Variants in MALRD1 observed in about 807,000 individuals in gnomAD.
The protein encoded by MALRD1 is MAM and LDL receptor class A domain containing 1, also known as MAM and LDL-receptor class A domain-containing protein 1.
A neutral mutation model predicts 242.1 loss-of-function variants in MALRD1; 247 were observed. The observed-to-expected ratio is 1.02, with a 90% CI of 0.92 to 1.13. The LOEUF is 1.13. Ranked by LOEUF, MALRD1 falls within the 50% of genes most tolerant of loss-of-function variation. The probability of loss-of-function intolerance (pLI) is 0.00; values close to 1 mark genes in which losing one functional copy is unlikely to be tolerated. For missense variants in MALRD1, 2,989 were observed against 2,533.1 expected, an observed-to-expected ratio of 1.18 and a Z score of -3.86; for synonymous variants, 995 against 866.6, an observed-to-expected ratio of 1.15 and a Z score of -2.60.
chr10:19,651,165 A>C (rs1330488902), intron 36 of MALRD1, among the ~76,000 whole-genome samples: 1 of 152,242 alleles, frequency 6.6e-6, no homozygotes, highest in Non-Finnish European at 1.5e-5. Flanking sequence ...GAATTTAGTT[A>C]CTATCTTAGT....
intron 14 of MALRD1, among the ~76,000 whole-genome samples, chr10:19,177,534 A>G (rs1381649357): frequency 6.6e-6 from 1 of 152,138 alleles, no homozygotes; most frequent in Admixed American, 6.5e-5. Flanking sequence ...AGAATGAAAG[A>G]CAGTTTAATG....
intron 38 of MALRD1, among the ~76,000 whole-genome samples, chr10:19,718,204 G>GGAA (rs928490482): frequency 1.6e-4 from 24 of 151,212 alleles, no homozygotes; most frequent in African/African-American, 2.9e-4. Context: ...AAGAAGAAGA[G>GGAA]GAAGAAGAAG....
chr10:19,124,566 C>T lies in MALRD1; in HGVS notation c.839C>T (p.Thr280Met), dbSNP rs949486426. 8.1e-6 allele frequency: 10 copies of T among 1,233,582 alleles called. No homozygotes were observed. Among genetic ancestry groups the T allele is most frequent in the South Asian group, 4.1e-5 (1 of 24,418 alleles). 76.4% of individuals were successfully genotyped at this position (1,233,582 alleles called of 1,614,324 possible). ...CGFEFDMCEW[T>M]SEASAGQISW... The stretch of plus-strand genomic sequence containing the variant: ...TTTGAATTTGACATGTGTGAGTGGA[C>T]GTCAGAAGCATCTGCTGGCCAAATT... Residue 280 changes from threonine (T) to methionine (M), a missense_variant, in exon 7 of 40, where the codon ACG (threonine) becomes ATG (methionine). Coordinates refer to ENST00000454679, the MANE Select transcript of MALRD1 (RefSeq NM_001142308.3).
At chr10:19,639,862 G>A (rs758786907) in intron 36 of MALRD1, among the ~76,000 whole-genome samples, 6 of 152,028 alleles carry the variant, frequency 3.9e-5, no homozygotes, top group African/African-American at 1.2e-4. Flanking sequence ...CTAAAGAGTC[G>A]ATGTGTGGCT....
chr10:19,161,320 A>AGGAAGG (rs1446876231), intron 12 of MALRD1, among the ~76,000 whole-genome samples: 1 of 81,936 alleles, frequency 1.2e-5, no homozygotes, highest in Admixed American at 1.7e-4. Context: ...ACATGGACAC[A>AGGAAGG]GGAAGGGGAA....
At chr10:19,077,302 C>T (rs919107843) in intron 2 of MALRD1, among the ~76,000 whole-genome samples, 2 of 151,832 alleles carry the variant, frequency 1.3e-5, no homozygotes, top group Admixed American at 6.6e-5. Context: ...GGAAACCCTG[C>T]TAAACATAAA....
intron 38 of MALRD1, among the ~76,000 whole-genome samples, chr10:19,706,975 C>T (rs1055501815): frequency 6.6e-6 from 1 of 152,014 alleles, no homozygotes; most frequent in Non-Finnish European, 1.5e-5. Context: ...AACCCTTCCT[C>T]CTCCTCTTCC....
chr10:19,058,645 CA>C (rs1411988623), intron 1 of MALRD1, among the ~76,000 whole-genome samples: 1 of 151,868 alleles, frequency 6.6e-6, no homozygotes, highest in African/African-American at 2.4e-5. Flanking sequence ...TATAGCACAC[CA>C]ATAATTCTTT....
intron 13 of MALRD1, among the ~76,000 whole-genome samples, chr10:19,167,411 C>A (rs1328700737): frequency 2.0e-5 from 3 of 152,046 alleles, no homozygotes; most frequent in African/African-American, 7.2e-5. Context: ...CCGAAGCCCT[C>A]TATGCCTCTT....
intron 28 of MALRD1, among the ~76,000 whole-genome samples, chr10:19,423,638 T>C (rs1833795986): frequency 6.6e-6 from 1 of 152,082 alleles, no homozygotes; most frequent in African/African-American, 2.4e-5. Flanking sequence ...TCATCATGTA[T>C]GTCAAATGAT....
At chr10:19,712,452 T>G (rs1295142250) in intron 38 of MALRD1, among the ~76,000 whole-genome samples, 2 of 152,158 alleles carry the variant, frequency 1.3e-5, no homozygotes, top group East Asian at 3.8e-4. Context: ...AAATGAGATA[T>G]ATGTAAAGGA....
Position 19,517,052 on chromosome 10 carries a change from C to T in MALRD1, c.5321-14142C>T, listed in dbSNP as rs567001455. ...TTTGAGACGAGGGGTTTTAGTTGAC[C>T]GAGTAATTCCTCTGGTTGAAGCAGG... On this transcript the variant is annotated intron_variant, in intron 31 of 39. Coordinates refer to ENST00000454679, the MANE Select transcript of MALRD1 (RefSeq NM_001142308.3). 1.2e-4 allele frequency among the ~76,000 whole-genome samples: 18 copies of T among 152,160 alleles called. 1 individual carries two copies. The South Asian group carries it at 1.9e-3, about 16-fold the overall frequency.
intron 1 of MALRD1, among the ~76,000 whole-genome samples, chr10:19,059,774 G>C (rs1834768798): frequency 6.6e-6 from 1 of 152,028 alleles, no homozygotes; most frequent in African/African-American, 2.4e-5. Flanking sequence ...TAGCAATTGT[G>C]CTTATTTTAG....
chr10:19,688,706 G>C lies in MALRD1; in HGVS notation c.6138-3576G>C, dbSNP rs888256958. 2.6e-5 allele frequency among the ~76,000 whole-genome samples: 4 copies of C among 152,330 alleles called. No homozygotes were observed. In the East Asian group the frequency reaches 5.8e-4, roughly 22 times the overall value. The stretch of plus-strand genomic sequence containing the variant: ...CAGGAGAGAAATTTCTTTCACTGCT[G>C]TTGCTCAAAGAATGGGTGGAACTTC... On this transcript the variant is annotated intron_variant, in intron 36 of 39. Transcript: ENST00000454679.
intron 33 of MALRD1, among the ~76,000 whole-genome samples, chr10:19,589,581 G>A (rs1464712535): frequency 6.6e-6 from 1 of 152,224 alleles, no homozygotes; most frequent in East Asian, 1.9e-4. Context: ...CCAGCATTAG[G>A]TCTGTATAAT....
intron 21 of MALRD1, among the ~76,000 whole-genome samples, chr10:19,300,428 A>G (rs1351829672): frequency 1.3e-5 from 2 of 151,884 alleles, no homozygotes; most frequent in East Asian, 3.9e-4. Flanking sequence ...GCAAAAATAA[A>G]GCAGGAGAAA....
At chr10:19,578,190 A>G (rs535329472) in intron 33 of MALRD1, among the ~76,000 whole-genome samples, 8 of 151,836 alleles carry the variant, frequency 5.3e-5, no homozygotes, top group Admixed American at 3.3e-4. Flanking sequence ...CAGAATGACC[A>G]GTTTTTGTTT....
At chr10:19,206,536 T>C (rs1465093701) in intron 17 of MALRD1, among the ~76,000 whole-genome samples, 1 of 152,230 alleles carries the variant, frequency 6.6e-6, no homozygotes, top group East Asian at 1.9e-4. Flanking sequence ...CCCCTCAGAC[T>C]TCCCTGTGTT....
At chr10:19,715,021 T>G (rs1589435015) in intron 38 of MALRD1, among the ~76,000 whole-genome samples, 1 of 152,356 alleles carries the variant, frequency 6.6e-6, no homozygotes, top group East Asian at 1.9e-4. Flanking sequence ...TATCTTCTTT[T>G]GAACTTTTAT....
Sources: allele counts gnomAD v4.1 joint callset (sites outside exome capture counted in the v4.1 genomes callset), GRCh38; gene constraint gnomAD v4.1.1; transcripts MANE v1.5; gene names NCBI Gene and HGNC (gene_info 2026-07-23, HGNC 2026-07-21).